The following LPIN1 variants were observed in gnomAD, a reference collection of about 807,000 sequenced individuals.
The protein encoded by LPIN1 is phosphatidate phosphatase LPIN1.
In LPIN1, 71 loss-of-function variants were observed where a neutral mutation model predicts 107.5. That is an observed-to-expected ratio of 0.66 (90% CI 0.55 to 0.80). The LOEUF (loss-of-function observed/expected upper bound fraction) is 0.80, where lower values mean the gene tolerates loss of function less well. LPIN1 is among the 30% of genes least tolerant of loss of function. LPIN1 has a pLI of 0.00. For synonymous variants in LPIN1, 445 were observed against 452.6 expected, an observed-to-expected ratio of 0.98 and a Z score of 0.21; for missense variants, 1,043 against 1,160.6, an observed-to-expected ratio of 0.90 and a Z score of 1.47.
chr2:11,765,779 A>G lies in LPIN1; in HGVS notation c.192+46A>G, dbSNP rs1403324169. The G allele has an allele frequency of 3.8e-6, 6 of 1,560,406 alleles. No homozygotes were observed. Among genetic ancestry groups the G allele is most frequent in the Non-Finnish European group, 5.3e-6 (6 of 1,138,940 alleles). ...GACCTGGCACCGGCTCTCCTTAGAG[A>G]ATGCCCTTGTACTCTGGTGATGCCA... On this transcript the variant is annotated intron_variant, in intron 2 of 20. Transcript: ENST00000674199. This position sits in a 1 kb window ranked among gnomAD's most constrained non-coding sequence, Gnocchi z 4.4.
chr2:11,709,383 G>A (rs1226866393), intron 1 of LPIN1, among the ~76,000 whole-genome samples: 2 of 152,190 alleles, frequency 1.3e-5, no homozygotes, highest in South Asian at 4.1e-4. Flanking sequence ...CCCAGAGAAG[G>A]GCGGTACCTT....
At position 11,771,357 on chromosome 2, in the gene LPIN1, G is replaced by A; in HGVS notation, c.289-15G>A. On this transcript the variant is annotated splice_polypyrimidine_tract_variant and intron_variant, in intron 3 of 20. Transcript: ENST00000674199. The surrounding 1 kb of genome is among the most constrained non-coding windows in gnomAD (Gnocchi z 4.8). ...ATTAACGAGGCTCTTTTTAGAAAAT[G>A]TGTTCTTTTCTTAGGAAGTTATCCC... 6.2e-7 allele frequency: 1 copy of A among 1,612,786 alleles called. No homozygotes were observed. Among genetic ancestry groups the A allele is most frequent in the East Asian group, 2.2e-5 (1 of 44,876 alleles).
At position 11,794,561 on chromosome 2, in the gene LPIN1, C is replaced by T. The variant is rs16857876; in HGVS notation, c.1807-847C>T. ...AGTTCATGCTAGTCATATGTTAAGA[C>T]AGTCAGCCTATTATATAGTTTGTAT... On this transcript the variant is annotated intron_variant, in intron 13 of 20. Coordinates refer to ENST00000674199, the MANE Select transcript of LPIN1 (RefSeq NM_001349206.2). 5.7e-3 allele frequency among the ~76,000 whole-genome samples: 872 copies of T among 152,302 alleles called. 43 individuals are homozygous for T. In the East Asian group the frequency reaches 0.12, roughly 21 times the overall value.
chr2:11,801,433 T>C (rs1445661766), intron 14 of LPIN1, among the ~76,000 whole-genome samples: 1 of 152,226 alleles, frequency 6.6e-6, no homozygotes, highest in Non-Finnish European at 1.5e-5. Flanking sequence ...TAAAAAAGAA[T>C]GAATCCTGTC....
Position 11,765,604 on chromosome 2 carries a change from G to T in LPIN1, c.63G>T (p.Gly21=). The change falls in exon 2 of 21, where the codon GGG becomes GGT. Residue 21 remains glycine (G), a synonymous_variant. Transcript: ENST00000674199. The surrounding 1 kb of genome is among the most constrained non-coding windows in gnomAD (Gnocchi z 4.4). ...VFVTVKELYK[G]LNPATLSGCI... ...TCACCGTGAAGGAGCTCTACAAGGG[G>T]CTGAATCCCGCCACACTCTCAGGGT... 1 of 1,614,126 alleles carries T rather than the reference G, an allele frequency of 6.2e-7. No individual in the cohort carries two copies. The highest frequency in any genetic ancestry group is 1.3e-5 in the African/African-American group (1 of 75,022).
intron 1 of LPIN1, among the ~76,000 whole-genome samples, chr2:11,759,751 G>A (rs1391612855): frequency 8.6e-5 from 13 of 151,672 alleles, no homozygotes; most frequent in Non-Finnish European, 1.6e-4. Context: ...TTCCCAGAAG[G>A]GGCGGCTGGG....
At chr2:11,793,445 C>G (rs1337903224) in intron 13 of LPIN1, among the ~76,000 whole-genome samples, 2 of 152,128 alleles carry the variant, frequency 1.3e-5, no homozygotes, top group African/African-American at 4.8e-5. Flanking sequence ...TTTTGTTGCT[C>G]CTTAAAGCCT....
At chr2:11,691,083 G>GTTTT (rs373579741) in intron 1 of LPIN1, among the ~76,000 whole-genome samples, 14 of 120,258 alleles carry the variant, frequency 1.2e-4, no homozygotes, top group Admixed American at 3.0e-4. Flanking sequence ...ATCTTGTTGT[G>GTTTT]GTTTTTTTTT....
rs1422223730 is a variant in LPIN1 at position 11,759,433 on chromosome 2, C to T, written c.-9-6100C>T. ...CATCTGTTTAACAAAGCACATCTTGCACCGCCCTTAATCCATTTAACCCTG... is the reference window on the plus strand; with the variant it reads ...CATCTGTTTAACAAAGCACATCTTGTACCGCCCTTAATCCATTTAACCCTG... On this transcript the variant is annotated intron_variant, in intron 1 of 20. Transcript: ENST00000674199. Among the ~76,000 whole-genome samples the T allele has an allele frequency of 1.4e-4, 22 of 152,246 alleles. 1 individual carries two copies. The highest frequency in any genetic ancestry group is 1.2e-3 in the South Asian group (6 of 4,826).
intron 1 of LPIN1, among the ~76,000 whole-genome samples, chr2:11,761,593 T>C (rs1347165158): frequency 3.9e-5 from 6 of 152,154 alleles, no homozygotes; most frequent in African/African-American, 1.4e-4. Context: ...GTATCATTCA[T>C]GACTTCTGGT....
intron 1 of LPIN1, among the ~76,000 whole-genome samples, chr2:11,679,723 GC>G: frequency 6.6e-6 from 1 of 152,210 alleles, no homozygotes; most frequent in Admixed American, 6.5e-5. Flanking sequence ...CCCAACCCCT[GC>G]CCCGGCAGTC....
At chr2:11,814,130 C>T (rs1680156023) in intron 17 of LPIN1, among the ~76,000 whole-genome samples, 1 of 152,064 alleles carries the variant, frequency 6.6e-6, no homozygotes, top group African/African-American at 2.4e-5. Flanking sequence ...CTGATGGGAG[C>T]AGGCGAGCTG....
In LPIN1 at chr2:11,704,948, G is replaced by T. The variant is rs1178063027; in HGVS notation, c.82-8808G>T. Among the ~76,000 whole-genome samples, 2 of 152,256 alleles carry T rather than the reference G, an allele frequency of 1.3e-5. 1 individual carries two copies. Among genetic ancestry groups the T allele is most frequent in the African/African-American group, 4.8e-5 (2 of 41,472 alleles). ...AGGAGCTCACCTCTCAAAGTGGCCA[G>T]GAGGACATAACCAGGAACAGAGGAG... is the stretch of plus-strand genomic sequence containing the variant. On this transcript the variant is annotated intron_variant, in intron 1 of 21. Coordinates refer to the LPIN1 transcript ENST00000449576.
intron 1 of LPIN1, among the ~76,000 whole-genome samples, chr2:11,728,928 A>T (rs184501865): frequency 6.6e-6 from 1 of 151,746 alleles, no homozygotes; most frequent in African/African-American, 2.4e-5. Flanking sequence ...GCTTGCAAAA[A>T]TTTTCTCCCA....
chr2:11,812,920 G>A (rs1679928640), intron 17 of LPIN1, among the ~76,000 whole-genome samples: 1 of 152,208 alleles, frequency 6.6e-6, no homozygotes, highest in Admixed American at 6.5e-5. Context: ...TGCCGAGGGT[G>A]GAGCAGAGGG....
At chr2:11,702,300 G>A (rs4542816) in intron 1 of LPIN1, among the ~76,000 whole-genome samples, 60,749 of 152,034 alleles carry the variant, frequency 0.4, 14,281 homozygotes, top group South Asian at 0.55. Flanking sequence ...AGTGGGTTCC[G>A]GAGTACACAG....
Position 11,768,829 on chromosome 2 carries a change from C to G in LPIN1, c.288+971C>G, listed in dbSNP as rs368520869. Among the ~76,000 whole-genome samples the G allele has an allele frequency of 8.5e-5, 13 of 152,082 alleles. No homozygotes were observed. The East Asian group carries it at 1.4e-3, about 16-fold the overall frequency. ...CGGGTGCCTGTAGTCCCAGCTACTC[C>G]GGAGACTGAGGCAGGAGAATGGCGT... is the stretch of plus-strand genomic sequence containing the variant. On this transcript the variant is annotated intron_variant, in intron 3 of 20. Transcript: ENST00000674199.
chr2:11,761,507 A>T (rs1297787295), intron 1 of LPIN1, among the ~76,000 whole-genome samples: 1 of 152,108 alleles, frequency 6.6e-6, no homozygotes, highest in Non-Finnish European at 1.5e-5. Flanking sequence ...CGGTTGAGAG[A>T]GGAGGTGTAT....
At chr2:11,726,583 C>A (rs1664684849) in intron 1 of LPIN1, among the ~76,000 whole-genome samples, 1 of 152,168 alleles carries the variant, frequency 6.6e-6, no homozygotes, top group Non-Finnish European at 1.5e-5. Context: ...CTTCCCACCC[C>A]AGCACCCTCT....
Sources: allele counts gnomAD v4.1 joint callset (sites outside exome capture counted in the v4.1 genomes callset), GRCh38; gene constraint gnomAD v4.1.1; non-coding constraint Gnocchi (gnomAD v3.1); transcripts MANE v1.5; gene names NCBI Gene and HGNC (gene_info 2026-07-23, HGNC 2026-07-21).